Variants in LOC400499 observed in about 807,000 individuals in gnomAD.
chr16:11,413,384 G>C, the LOC400499 span, among the ~76,000 whole-genome samples: 34 of 152,290 alleles, frequency 2.2e-4, no homozygotes, highest in Non-Finnish European at 4.6e-4. Context: ...TCCTACAGCA[G>C]AGTGGACTGG....
the LOC400499 span, among the ~76,000 whole-genome samples, chr16:11,527,469 T>C: frequency 0.34 from 51,300 of 152,098 alleles, 8,910 homozygotes; most frequent in East Asian, 0.57. Context: ...CTCCTAGCCT[T>C]GTAAACAGAG....
At chr16:11,393,744 TG>T in the LOC400499 span, among the ~76,000 whole-genome samples, 2 of 152,182 alleles carry the variant, frequency 1.3e-5, no homozygotes, top group Admixed American at 1.3e-4. Flanking sequence ...GCCATATCCC[TG>T]TCTAAGGCTG....
chr16:11,382,739 G>T, the LOC400499 span, among the ~76,000 whole-genome samples: 1 of 152,150 alleles, frequency 6.6e-6, no homozygotes, highest in East Asian at 1.9e-4. Context: ...GAACCCAGGA[G>T]GTGGAAGTTG....
the LOC400499 span, chr16:11,478,421 G>C: frequency 2.5e-6 from 1 of 398,040 alleles, no homozygotes; most frequent in East Asian, 3.6e-5. Context: ...GAGGTAAACG[G>C]AAGAGCTGGG....
chr16:11,384,388 C>T, the LOC400499 span: 5 of 945,910 alleles, frequency 5.3e-6, no homozygotes, highest in Non-Finnish European at 6.9e-6. Flanking sequence ...CAGCCCCAGC[C>T]CTGCTGCCTC....
the LOC400499 span, among the ~76,000 whole-genome samples, chr16:11,405,395 A>C: frequency 6.6e-6 from 1 of 152,150 alleles, no homozygotes; most frequent in African/African-American, 2.4e-5. Flanking sequence ...TCCCAGGGAG[A>C]TAGTCGAGAT....
the LOC400499 span, among the ~76,000 whole-genome samples, chr16:11,455,367 T>C: frequency 6.6e-6 from 1 of 152,200 alleles, no homozygotes; most frequent in Non-Finnish European, 1.5e-5. Context: ...CATGATTATA[T>C]TATTTTTAAA....
chr16:11,386,476 T>G, the LOC400499 span, among the ~76,000 whole-genome samples: 4 of 152,228 alleles, frequency 2.6e-5, no homozygotes, highest in Non-Finnish European at 5.9e-5. Flanking sequence ...CCCACGCTTC[T>G]AGGGAGCCCT....
At chr16:11,428,236 G>A in the LOC400499 span, among the ~76,000 whole-genome samples, 13 of 143,950 alleles carry the variant, frequency 9.0e-5, no homozygotes, top group Non-Finnish European at 1.5e-4. Flanking sequence ...GTGCCGTGGC[G>A]TAATCTCTCA....
chr16:11,478,272 C>T, the LOC400499 span, among the ~76,000 whole-genome samples: 1 of 151,886 alleles, frequency 6.6e-6, no homozygotes, highest in East Asian at 2.0e-4. Context: ...AGGTGATCCA[C>T]CCGCCCCAGC....
chr16:11,495,078 G>A, the LOC400499 span, among the ~76,000 whole-genome samples: 1 of 152,088 alleles, frequency 6.6e-6, no homozygotes, highest in Non-Finnish European at 1.5e-5. Flanking sequence ...GCATGGTGGT[G>A]TGTGCCTGTA....
chr16:11,518,528 A>G, the LOC400499 span, among the ~76,000 whole-genome samples: 1 of 152,154 alleles, frequency 6.6e-6, no homozygotes, highest in East Asian at 1.9e-4. Flanking sequence ...CACACTCAAC[A>G]ACAATGCCCA....
the LOC400499 span, chr16:11,390,216 G>C: frequency 1.6e-6 from 2 of 1,232,480 alleles, no homozygotes. Context: ...GAGAGGGAGG[G>C]GACAGTGAGA....
chr16:11,411,987 T>TG, the LOC400499 span, among the ~76,000 whole-genome samples: 2 of 152,088 alleles, frequency 1.3e-5, no homozygotes, highest in African/African-American at 4.8e-5. Flanking sequence ...CTCACCCTCC[T>TG]GAGCAGCTGG....
At chr16:11,521,622 T>G in the LOC400499 span, among the ~76,000 whole-genome samples, 7 of 152,180 alleles carry the variant, frequency 4.6e-5, no homozygotes, top group Non-Finnish European at 8.8e-5. Context: ...ACCCTTGGAC[T>G]TGCAGACATG....
At chr16:11,487,204 T>A in the LOC400499 span, 559 of 398,528 alleles carry the variant, frequency 1.4e-3, 5 homozygotes, top group African/African-American at 0.01. Context: ...ACTGGGATAT[T>A]TTTTGGCCCA....
the LOC400499 span, chr16:11,469,482 T>C: frequency 5.3e-5 from 21 of 399,104 alleles, no homozygotes; most frequent in Non-Finnish European, 9.3e-5. Context: ...AGGGGCGCAG[T>C]GAGCAGGGAG....
the LOC400499 span, chr16:11,384,208 C>A: frequency 8.1e-7 from 1 of 1,226,998 alleles, no homozygotes; most frequent in Non-Finnish European, 1.0e-6. Flanking sequence ...GCAGGTGCAC[C>A]CGCTCACCTG....
At chr16:11,465,928 G>C in the LOC400499 span, among the ~76,000 whole-genome samples, 35 of 152,190 alleles carry the variant, frequency 2.3e-4, no homozygotes, top group Admixed American at 1.3e-3. Flanking sequence ...AAAAAGAAAA[G>C]AGAAAAAACA....
Sources: gnomAD v4.1 joint callset for allele counts (sites outside exome capture counted in the v4.1 genomes callset) on GRCh38, gnomAD v4.1.1 for gene constraint, MANE v1.5 for transcripts.